The following HTR3E variants were observed in gnomAD, a reference collection of about 807,000 sequenced individuals.
HTR3E encodes 5-hydroxytryptamine receptor 3E.
Under a neutral mutation model 38.0 loss-of-function variants are expected in HTR3E, and 38 were observed. That is an observed-to-expected ratio of 1.00 (90% CI 0.77 to 1.31). The LOEUF (loss-of-function observed/expected upper bound fraction) is 1.31, where lower values mean the gene tolerates loss of function less well. HTR3E is among the 50% of genes most tolerant of loss of function. HTR3E has a pLI of 0.00. For missense variants in HTR3E, 547 were observed against 585.2 expected (o/e 0.93, Z 0.67); for synonymous variants, 210 against 232.9 (o/e 0.90, Z 0.89).
chr3:184,099,499 A>G (rs993830233), intron 1 of HTR3E, among the ~76,000 whole-genome samples: 3 of 151,772 alleles, frequency 2.0e-5, no homozygotes, highest in Admixed American at 6.6e-5. Flanking sequence ...TGGATCATGA[A>G]GTCAGGAGAT....
In HTR3E at chr3:184,100,627, C is replaced by T; in HGVS notation, c.210C>T (p.Phe70=). The T allele has an allele frequency of 1.2e-6, 2 of 1,614,044 alleles. No individual in the cohort carries two copies. The highest frequency in any genetic ancestry group is 1.7e-6 in the Non-Finnish European group (2 of 1,179,958). ...ISVPTQVNIS[F]AMSAILDVNE... ...TCCCCACCCAAGTCAACATCTCCTT[C>T]GCGATGTCTGCCATCCTAGATGTGG... The change falls in exon 2 of 9, where the codon TTC becomes TTT. Residue 70 remains phenylalanine (F), a synonymous_variant. Transcript: ENST00000415389.
chr3:184,097,476 T>C lies in HTR3E; in HGVS notation c.-54T>C, dbSNP rs1239387477. The C allele has an allele frequency of 5.2e-6, 7 of 1,345,898 alleles. No homozygotes were observed. The highest frequency in any genetic ancestry group is 6.2e-6 in the Non-Finnish European group (6 of 974,192). The allele number at this position is 1,345,898 out of a possible 1,614,324, so 83.4% of individuals were successfully genotyped here. ...CTAGGTGTGGCCTGTGCTGCTTTAA[T>C]CTGGGCATTCCTGGGTCCCAGTACA... On this transcript the variant is annotated 5_prime_UTR_variant, in exon 1 of 9. Transcript: ENST00000415389.
At chr3:184,104,605 GGAGGCT>G (rs1332141198) in intron 4 of HTR3E, among the ~76,000 whole-genome samples, 176 bp from the exon 5 acceptor site, 52 of 151,030 alleles carry the variant, frequency 3.4e-4, no homozygotes, top group African/African-American at 1.1e-3. Context: ...CAGCTACTTG[GGAGGCT>G]GAGGCTGAGA....
At chr3:184,100,394 C>T (rs762720999) in intron 1 of HTR3E, 91 bp from the exon 2 acceptor site, 12 of 1,613,868 alleles carry the variant, frequency 7.4e-6, no homozygotes, top group Non-Finnish European at 9.3e-6. Context: ...CATTTTATCA[C>T]GGGCGACCCC....
chr3:184,100,985 C>T (rs1337452124), intron 2 of HTR3E, among the ~76,000 whole-genome samples: 1 of 151,934 alleles, frequency 6.6e-6, no homozygotes, highest in East Asian at 1.9e-4. Context: ...ACTCTGTTGC[C>T]CAGGCTGGAG....
intron 1 of HTR3E, chr3:184,100,184 A>C: frequency 7.0e-7 from 1 of 1,422,554 alleles, no homozygotes; most frequent in Non-Finnish European, 9.2e-7. Flanking sequence ...GTTCAGAACA[A>C]GTCCGGCTTC....
rs1182264216 is a variant in HTR3E at position 184,106,213 on chromosome 3, C to T, written c.1011C>T (p.Thr337=). The T allele has an allele frequency of 6.2e-7, 1 of 1,612,752 alleles. No individual in the cohort carries two copies. The highest frequency in any genetic ancestry group is 8.5e-7 in the Non-Finnish European group (1 of 1,179,974). Residue 337 remains threonine, a synonymous_variant, in exon 8 of 9, where the codon ACC becomes ACT. Transcript: ENST00000415389. This position sits in a 1 kb window ranked among gnomAD's most constrained non-coding sequence, Gnocchi z 4.1. ...IFITHLLHVA[T]TQPPPLPRWL... The stretch of plus-strand genomic sequence containing the variant: ...TCACCCACCTGCTGCACGTGGCCAC[C>T]ACCCAGCCCCCACCCCTGCCTCGGT...
Position 184,106,670 on chromosome 3 carries a change from G to A in HTR3E, c.1348G>A (p.Val450Ile), listed in dbSNP as rs766836883. 7.4e-6 allele frequency: 12 copies of A among 1,613,946 alleles called. No individual in the cohort carries two copies. The South Asian group carries it at 7.7e-5, about 10-fold the overall frequency. ...CTTCATGGCCTCCTCTATCATCACC[G>A]TCATATGCCTCTGGAACACCTAGGC... ...LLFMASSIIT[V>I]ICLWNT Residue 450 changes from valine to isoleucine, a missense_variant, in exon 9 of 9, where the codon GTC (valine) becomes ATC (isoleucine). Physicochemically the swap from Val to Ile is conservative, Grantham distance 29. Transcript: ENST00000415389. The surrounding 1 kb of genome is among the most constrained non-coding windows in gnomAD (Gnocchi z 4.1).
rs146232407 is a variant in HTR3E at position 184,106,619 on chromosome 3, G to A, written c.1297G>A (p.Ala433Thr). ...GTTGCAGTTCAGCCACGCGATGGAC[G>A]CCATGCTCTTCCGCCTCTACCTGCT... ...LWLQFSHAMD[A>T]MLFRLYLLFM... The change falls in exon 9 of 9, where the codon GCC becomes ACC. Residue 433 changes from alanine (A) to threonine (T), a missense_variant. By Grantham distance (58) the Ala-to-Thr change is moderately conservative. Coordinates refer to ENST00000415389, the MANE Select transcript of HTR3E (RefSeq NM_001256613.2). This position sits in a 1 kb window ranked among gnomAD's most constrained non-coding sequence, Gnocchi z 4.1. 366 of 1,614,170 alleles carry A rather than the reference G, an allele frequency of 2.3e-4. No individual in the cohort carries two copies. The highest frequency in any genetic ancestry group is 1.9e-3 in the South Asian group (177 of 91,076).
intron 1 of HTR3E, among the ~76,000 whole-genome samples, chr3:184,098,258 A>C (rs557235854): frequency 9.8e-5 from 15 of 152,314 alleles, no homozygotes; most frequent in African/African-American, 3.4e-4. Context: ...TAGTTTTATA[A>C]ACTTGGATGC....
Position 184,105,830 on chromosome 3 carries a change from T to C in HTR3E, c.786T>C (p.Val262=), listed in dbSNP as rs138668312. Residue 262 remains valine (V), a synonymous_variant, in exon 7 of 9, where the codon GTT becomes GTC. Coordinates refer to ENST00000415389, the MANE Select transcript of HTR3E (RefSeq NM_001256613.2). ...TTCTCGTGCCCAGTGGCTTTCTGGT[T>C]GCCATCGATGCCCTCAGCTTCTACC... The part of the protein sequence containing the change: ...INLLVPSGFL[V]AIDALSFYLP... 1.2e-6 allele frequency: 2 copies of C among 1,614,146 alleles called. No individual in the cohort carries two copies. The highest frequency in any genetic ancestry group is 1.3e-5 in the African/African-American group (1 of 75,018).
chr3:184,103,833 A>G (rs899856229), intron 3 of HTR3E, among the ~76,000 whole-genome samples: 3 of 150,926 alleles, frequency 2.0e-5, no homozygotes, highest in Non-Finnish European at 4.5e-5. Context: ...AGAAAAAAGA[A>G]AAAAAGAAAA....
At chr3:184,105,241 A>G in intron 5 of HTR3E, 26 bp from the exon 6 acceptor site, 1 of 1,576,502 alleles carries the variant, frequency 6.3e-7, no homozygotes, top group Non-Finnish European at 8.6e-7. Context: ...TCCTTGAAAA[A>G]TGATTCAGAT....
In HTR3E at chr3:184,104,945, TC is replaced by T. The variant is rs762074368; in HGVS notation, c.550del (p.Leu184SerfsTer18). The T allele has an allele frequency of 1.2e-6, 2 of 1,613,014 alleles. No individual in the cohort carries two copies. Among genetic ancestry groups the T allele is most frequent in the African/African-American group, 2.7e-5 (2 of 74,940 alleles). On this transcript the variant is annotated frameshift_variant, in exon 5 of 9. Transcript: ENST00000415389. LOFTEE classifies it high-confidence loss of function. ...QQNCTLTFSS[F>X]LYTVDSMLLD... ...AACTGCACACTCACCTTCAGCTCAT[TC>T]CTCTACACAGGTAAGTTGCAGTGAG...
chr3:184,104,119 C>CTTT, intron 3 of HTR3E, 63 bp from the exon 4 acceptor site: 1 of 1,087,644 alleles, frequency 9.2e-7, no homozygotes, highest in Non-Finnish European at 1.2e-6. Context: ...TATTTCATAA[C>CTTT]TTTTTTTTTT....
In HTR3E at chr3:184,106,466, G is replaced by A. The variant is rs761452042; in HGVS notation, c.1144G>A (p.Val382Met). The A allele has an allele frequency of 1.9e-6, 3 of 1,585,738 alleles. No homozygotes were observed. The African/African-American group carries it at 4.0e-5, about 21-fold the overall frequency. ...GCTGAGTCTCTGTCTTTCTGTAGGT[G>A]TGAAGGAGCCAGAGGTATCAGCAGG... ...PGLTPTHLPG[V>M]KEPEVSAGQM... The change falls in exon 9 of 9, where the codon GTG (valine) becomes ATG (methionine). Residue 382 changes from valine (V) to methionine (M), a missense_variant and splice_region_variant. Transcript: ENST00000415389. This position sits in a 1 kb window ranked among gnomAD's most constrained non-coding sequence, Gnocchi z 4.1.
chr3:184,105,204 G>GTGCA, intron 5 of HTR3E, 63 bp from the exon 6 acceptor site: 1 of 1,502,304 alleles, frequency 6.7e-7, no homozygotes, highest in South Asian at 1.3e-5. Context: ...TGGAAAAAGA[G>GTGCA]TGCAGTTGAG....
chr3:184,105,216 C>T, intron 5 of HTR3E, 51 bp from the exon 6 acceptor site: 2 of 1,540,618 alleles, frequency 1.3e-6, no homozygotes, highest in Non-Finnish European at 1.8e-6. Context: ...GCAGTTGAGC[C>T]ACCAGGAAAC....
In HTR3E at chr3:184,105,322, C is replaced by T; in HGVS notation, c.615C>T (p.Ser205=). 5 of 1,614,152 alleles carry T rather than the reference C, an allele frequency of 3.1e-6. No individual in the cohort carries two copies. Among genetic ancestry groups the T allele is most frequent in the Non-Finnish European group, 4.2e-6 (5 of 1,180,024 alleles). The change falls in exon 6 of 9, where the codon TCC becomes TCT. Residue 205 remains serine (S), a synonymous_variant. Coordinates refer to ENST00000415389, the MANE Select transcript of HTR3E (RefSeq NM_001256613.2). The part of the protein sequence containing the change: ...EKEVWEITDA[S]RNILQTHGEW... ...AAGTGTGGGAAATAACAGACGCATC[C>T]CGGAACATCCTTCAGACCCATGGAG...
Sources: allele counts gnomAD v4.1 joint callset (sites outside exome capture counted in the v4.1 genomes callset), GRCh38; gene constraint gnomAD v4.1.1; non-coding constraint Gnocchi (gnomAD v3.1); transcripts MANE v1.5; gene names NCBI Gene and HGNC (gene_info 2026-07-23, HGNC 2026-07-21).